Variants in SYNDIG1L observed in about 807,000 individuals in gnomAD.
SYNDIG1L encodes the protein synapse differentiation inducing 1 like.
Under a neutral mutation model 20.1 loss-of-function variants are expected in SYNDIG1L, and 13 were observed. That is an observed-to-expected ratio of 0.65 (90% CI 0.42 to 1.03). SYNDIG1L has a LOEUF of 1.03. SYNDIG1L is among the 50% of genes least tolerant of loss of function. The probability of loss-of-function intolerance (pLI) is 0.00; values close to 1 mark genes in which losing one functional copy is unlikely to be tolerated. For missense variants in SYNDIG1L, 294 were observed against 305.1 expected (o/e 0.96, Z 0.27); for synonymous variants, 128 against 129.3 (o/e 0.99, Z 0.07).
At chr14:74,423,126 G>A (rs2086237242) in intron 1 of SYNDIG1L, among the ~76,000 whole-genome samples, 1 of 152,032 alleles carries the variant, frequency 6.6e-6, no homozygotes, top group South Asian at 2.1e-4. Context: ...AGGCCTTGTA[G>A]AAGGGCCCAG....
chr14:74,476,696 C>A, the SYNDIG1L span: 3 of 782,398 alleles, frequency 3.8e-6, no homozygotes, highest in Non-Finnish European at 6.1e-6. Context: ...CCTTGAGCCA[C>A]CTATGCAGGC....
chr14:74,465,210 G>A, the SYNDIG1L span, among the ~76,000 whole-genome samples: 3 of 152,196 alleles, frequency 2.0e-5, no homozygotes, highest in Admixed American at 6.5e-5. Context: ...AGCTAAAAGT[G>A]GTCAGGACAA....
chr14:74,419,551 G>A (rs558595730), intron 1 of SYNDIG1L, among the ~76,000 whole-genome samples: 5 of 152,326 alleles, frequency 3.3e-5, no homozygotes, highest in Admixed American at 6.5e-5. Context: ...AATTACTTCA[G>A]GCCAGTTATT....
At chr14:74,477,118 A>AACACACACACACACAC in the SYNDIG1L span, among the ~76,000 whole-genome samples, 7 of 83,146 alleles carry the variant, frequency 8.4e-5, no homozygotes, top group South Asian at 4.3e-4. Context: ...CCCCATTCCC[A>AACACACACACACACAC]ACACACACAC....
the SYNDIG1L span, among the ~76,000 whole-genome samples, chr14:74,445,110 A>G: frequency 5.9e-5 from 9 of 152,154 alleles, no homozygotes; most frequent in Admixed American, 3.9e-4. Flanking sequence ...TTCTCACTCT[A>G]TGAGTTCACA....
rs187666094 is a variant in SYNDIG1L, at chr14:74,424,277, G to A, written c.-58+1635C>T. Reference sequence around the variant, plus strand: ...ATGAGAAAAATGAACCCCCAGAGGGGAATGGACCTGCCTGAGACAGCGGCG... The same window carrying A: ...ATGAGAAAAATGAACCCCCAGAGGGAAATGGACCTGCCTGAGACAGCGGCG... On this transcript the variant is annotated intron_variant, in intron 1 of 3. Coordinates refer to ENST00000331628, the MANE Select transcript of SYNDIG1L (RefSeq NM_001105579.2). 9.3e-4 allele frequency among the ~76,000 whole-genome samples: 142 copies of A among 152,300 alleles called. 1 individual carries two copies. The highest frequency in any genetic ancestry group is 3.3e-3 in the African/African-American group (137 of 41,546).
At chr14:74,446,059 A>G in the SYNDIG1L span, among the ~76,000 whole-genome samples, 2 of 152,208 alleles carry the variant, frequency 1.3e-5, no homozygotes, top group Non-Finnish European at 2.9e-5. Flanking sequence ...TCTTCCATGG[A>G]AAACAACTAA....
At chr14:74,425,127 G>A (rs987516306) in intron 1 of SYNDIG1L, among the ~76,000 whole-genome samples, 2 of 152,218 alleles carry the variant, frequency 1.3e-5, no homozygotes, top group Non-Finnish European at 2.9e-5. Context: ...AGAGAACTCT[G>A]CTCTGAAGAA....
At chr14:74,462,045 C>A in the SYNDIG1L span, among the ~76,000 whole-genome samples, 31 of 141,612 alleles carry the variant, frequency 2.2e-4, no homozygotes, top group African/African-American at 7.5e-4. Flanking sequence ...GAGTTCAAAC[C>A]ACTGCACTCC....
chr14:74,424,289 C>T (rs957107280), intron 1 of SYNDIG1L, among the ~76,000 whole-genome samples: 1 of 152,194 alleles, frequency 6.6e-6, no homozygotes, highest in Non-Finnish European at 1.5e-5. Context: ...ATGGACCTGC[C>T]TGAGACAGCG....
the SYNDIG1L span, among the ~76,000 whole-genome samples, chr14:74,443,865 A>T: frequency 6.6e-6 from 1 of 152,088 alleles, no homozygotes; most frequent in South Asian, 2.1e-4. Flanking sequence ...CAGGGGGATG[A>T]CTTCCCTAGG....
the SYNDIG1L span, among the ~76,000 whole-genome samples, chr14:74,475,565 A>ATC: frequency 4.6e-5 from 7 of 151,306 alleles, no homozygotes; most frequent in South Asian, 2.1e-4. Flanking sequence ...TTCTAGTGGC[A>ATC]TCTCTCTCTC....
At chr14:74,479,950 A>T in the SYNDIG1L span, 5 of 1,287,488 alleles carry the variant, frequency 3.9e-6, no homozygotes, top group Non-Finnish European at 5.0e-6. Context: ...TGCAGAAGAC[A>T]AGACAAACGA....
chr14:74,469,463 T>C, the SYNDIG1L span, among the ~76,000 whole-genome samples: 4 of 151,936 alleles, frequency 2.6e-5, no homozygotes, highest in Non-Finnish European at 4.4e-5. Context: ...GGCACATGTA[T>C]ACATATGTAA....
chr14:74,451,470 G>A, the SYNDIG1L span, among the ~76,000 whole-genome samples: 1 of 152,158 alleles, frequency 6.6e-6, no homozygotes, highest in Non-Finnish European at 1.5e-5. Flanking sequence ...TGTAAAACTT[G>A]TAGAAGATGA....
chr14:74,439,753 C>T, the SYNDIG1L span, among the ~76,000 whole-genome samples: 1 of 151,624 alleles, frequency 6.6e-6, no homozygotes, highest in Non-Finnish European at 1.5e-5. Context: ...GTGGTGCATG[C>T]CTGTAATCTC....
the SYNDIG1L span, among the ~76,000 whole-genome samples, chr14:74,457,738 C>G: frequency 0.012 from 1,828 of 152,122 alleles, 42 homozygotes; most frequent in African/African-American, 0.041. Context: ...ACTCTTGCCT[C>G]TCTCCAAAGC....
chr14:74,440,061 AC>A, the SYNDIG1L span, among the ~76,000 whole-genome samples: 318 of 151,936 alleles, frequency 2.1e-3, no homozygotes, highest in African/African-American at 7.5e-3. Flanking sequence ...CACATAGTCT[AC>A]CATGGCATTA....
chr14:74,455,183 A>G, the SYNDIG1L span, among the ~76,000 whole-genome samples: 2 of 152,092 alleles, frequency 1.3e-5, no homozygotes, highest in Non-Finnish European at 1.5e-5. Context: ...ACGTGAACCA[A>G]TTGCTTGAAA....
Sources: allele counts gnomAD v4.1 joint callset (sites outside exome capture counted in the v4.1 genomes callset), GRCh38; gene constraint gnomAD v4.1.1; transcripts MANE v1.5; gene names NCBI Gene and HGNC (gene_info 2026-07-23, HGNC 2026-07-21).